DGAT1: variants seen among roughly 807,000 people sequenced by gnomAD.
DGAT1 encodes diacylglycerol O-acyltransferase 1.
DGAT1 carries 60 observed loss-of-function variants against 72.6 expected under a neutral mutation model. That is an observed-to-expected ratio of 0.83 (90% confidence interval 0.67 to 1.02). DGAT1 has a LOEUF of 1.02. DGAT1 is among the 50% of genes least tolerant of loss of function. The pLI, the probability that DGAT1 is intolerant of heterozygous loss-of-function variation, is 0.00. For missense variants in DGAT1, 592 were observed against 670.0 expected (o/e 0.88, Z 1.29); for synonymous variants, 290 against 267.5 (o/e 1.08, Z -0.82).
chr8:144,318,050 A>G (rs1554847489), intron 8 of DGAT1, 33 bp from the exon 9 acceptor site: 2 of 1,518,008 alleles, frequency 1.3e-6, no homozygotes, highest in African/African-American at 1.4e-5. Flanking sequence ...GTACCAGAAC[A>G]GGCCCAGCCT....
chr8:144,318,343 C>T lies in DGAT1; in HGVS notation c.594G>A (p.Leu198=), dbSNP rs782387717. The T allele has an allele frequency of 4.7e-5, 75 of 1,611,462 alleles. No homozygotes were observed. The highest frequency in any genetic ancestry group is 5.8e-5 in the Non-Finnish European group (68 of 1,179,144). ...TGAGGAAGAGGATGGTGTGCGCCATCAGCGCCAGCAGGGAGCCCACTGCAG... is the reference window on the plus strand; with the variant it reads ...TGAGGAAGAGGATGGTGTGCGCCATTAGCGCCAGCAGGGAGCCCACTGCAG... ...SITPVGSLLA[L]MAHTILFLKL... is the part of the protein sequence containing the mutation. The change falls in exon 7 of 17, where the codon CTG becomes CTA. Residue 198 remains leucine, a synonymous_variant. Transcript: ENST00000528718.
rs1817163566 is a variant in DGAT1 at position 144,315,328 on chromosome 8, C to G, written c.*1226G>C. The G allele has an allele frequency of 1.0e-6, 1 of 985,382 alleles. No homozygotes were observed. Among genetic ancestry groups the G allele is most frequent in the South Asian group, 4.7e-5 (1 of 21,296 alleles). The allele number at this position is 985,382 out of a possible 1,614,324, so 61.0% of individuals were successfully genotyped here. A position where few individuals can be genotyped will look rare whatever the true frequency, so the allele number is the denominator to read the frequency against. ...GAGATGCCTCCATCTCAGGGCCCAC[C>G]AGCCCCCACTGGGGTAGAGGGAGGA... On this transcript the variant is annotated 3_prime_UTR_variant, in exon 17 of 17. Coordinates refer to ENST00000528718, the MANE Select transcript of DGAT1 (RefSeq NM_012079.6).
intron 2 of DGAT1, 130 bp downstream of exon 2, chr8:144,321,191 C>T: frequency 1.2e-6 from 1 of 865,818 alleles, no homozygotes; most frequent in Non-Finnish European, 1.9e-6. Context: ...CAGCCTGCTC[C>T]ACACACCCCA....
intron 2 of DGAT1, among the ~76,000 whole-genome samples, chr8:144,319,828 T>C (rs1440862295): frequency 6.6e-6 from 1 of 152,192 alleles, no homozygotes; most frequent in Non-Finnish European, 1.5e-5. Flanking sequence ...TCCATTAAGC[T>C]GGGCCCCAAT....
Position 144,318,361 on chromosome 8 carries a change from C to T in DGAT1, c.576G>A (p.Val192=). ...GCGCCATCAGCGCCAGCAGGGAGCC[C>T]ACTGCAGGAGAGGTGGACTCAGGCC... is the stretch of plus-strand genomic sequence containing the variant. ...VVLLVESITP[V]GSLLALMAHT... is the part of the protein sequence containing the mutation. The change falls in exon 7 of 17, where the codon GTG becomes GTA. Residue 192 remains valine, a splice_region_variant and synonymous_variant. Transcript: ENST00000528718. The T allele has an allele frequency of 6.2e-7, 1 of 1,610,908 alleles. No homozygotes were observed. The highest frequency in any genetic ancestry group is 8.5e-7 in the Non-Finnish European group (1 of 1,178,728).
chr8:144,317,917 C>T lies in DGAT1; in HGVS notation c.852G>A (p.Glu284=). The T allele has an allele frequency of 6.6e-7, 1 of 1,524,096 alleles. No individual in the cohort carries two copies. The highest frequency in any genetic ancestry group is 8.8e-7 in the Non-Finnish European group (1 of 1,138,030). 94.4% of individuals were successfully genotyped at this position (1,524,096 alleles called of 1,614,324 possible). A position where few individuals can be genotyped will look rare whatever the true frequency, so the allele number is the denominator to read the frequency against. ...RKRFLLRRIL[E]MLFFTQLQVG... Reference sequence around the variant, plus strand: ...TGCCCCCAGCCCCCAACCTCACCATCTCAAGGATCCGTCGCAGCAGAAAGC... The same window carrying T: ...TGCCCCCAGCCCCCAACCTCACCATTTCAAGGATCCGTCGCAGCAGAAAGC... Residue 284 remains glutamate (E), a synonymous_variant, in exon 9 of 17, where the codon GAG becomes GAA. Transcript: ENST00000528718.
chr8:144,323,956 T>TG (rs1564633867), intron 1 of DGAT1, among the ~76,000 whole-genome samples: 1 of 152,094 alleles, frequency 6.6e-6, no homozygotes, highest in Non-Finnish European at 1.5e-5. Flanking sequence ...GCAGGCTCCC[T>TG]GCACCTCGCA....
chr8:144,314,921 C>T lies in DGAT1; in HGVS notation c.*1633G>A, dbSNP rs1011715477. 1.4e-5 allele frequency: 14 copies of T among 986,122 alleles called. No homozygotes were observed. In the African/African-American group the frequency reaches 2.4e-4, roughly 17 times the overall value. 61.1% of individuals were successfully genotyped at this position (986,122 alleles called of 1,614,324 possible). A position where few individuals can be genotyped will look rare whatever the true frequency, so the allele number is the denominator to read the frequency against. On this transcript the variant is annotated 3_prime_UTR_variant, in exon 17 of 17. Transcript: ENST00000528718. The stretch of plus-strand genomic sequence containing the variant: ...TTATTGAGGGACCAGGGGTGGGCGC[C>T]TCACCTTGGCCCTGGGGGTCTCTGG...
intron 1 of DGAT1, among the ~76,000 whole-genome samples, chr8:144,325,121 G>A (rs1292973012): frequency 1.3e-5 from 2 of 151,998 alleles, no homozygotes; most frequent in Non-Finnish European, 2.9e-5. Context: ...CACAGGTCAT[G>A]TAGCCATCCC....
rs1384706338 is a variant in DGAT1, at chr8:144,316,258, A to ACCAGGCC, written c.*289_*295dup. 1.8e-5 allele frequency: 7 copies of ACCAGGCC among 383,158 alleles called. No individual in the cohort carries two copies. In the East Asian group the frequency reaches 2.0e-4, roughly 11 times the overall value. The allele number at this position is 383,158 out of a possible 1,614,324, so 23.7% of individuals were successfully genotyped here. A position where few individuals can be genotyped will look rare whatever the true frequency, so the allele number is the denominator to read the frequency against. On this transcript the variant is annotated 3_prime_UTR_variant, in exon 17 of 17. Coordinates refer to ENST00000528718, the MANE Select transcript of DGAT1 (RefSeq NM_012079.6). The stretch of plus-strand genomic sequence containing the variant: ...CCTTGTGGGTGTGGCCATACCCCCC[A>ACCAGGCC]CCAGGCCCCAGGCCCCTGGCAGGCT...
rs986003455 is a variant in DGAT1, at chr8:144,314,820, C to T, written c.*1734G>A. On this transcript the variant is annotated 3_prime_UTR_variant, in exon 17 of 17. Coordinates refer to ENST00000528718, the MANE Select transcript of DGAT1 (RefSeq NM_012079.6). The stretch of plus-strand genomic sequence containing the variant: ...CAGAAGGGCCGGGCTGCAGTGGCCT[C>T]CTGGGGGAAGACGGATGCTTGCAGC... 19 of 851,374 alleles carry T rather than the reference C, an allele frequency of 2.2e-5. No homozygotes were observed. The African/African-American group carries it at 3.5e-4, about 16-fold the overall frequency. The allele number at this position is 851,374 out of a possible 1,614,324, so 52.7% of individuals were successfully genotyped here.
chr8:144,326,696 G>A lies in DGAT1; in HGVS notation c.-60C>T. On this transcript the variant is annotated 5_prime_UTR_variant, in exon 1 of 17. Coordinates refer to ENST00000528718, the MANE Select transcript of DGAT1 (RefSeq NM_012079.6). Reference sequence around the variant, plus strand: ...GGCCCGCCGGGTTCGTAGCGCCCGAGGCGCGCGGCCCCACCTCCGGGCCCT... The same window carrying A: ...GGCCCGCCGGGTTCGTAGCGCCCGAAGCGCGCGGCCCCACCTCCGGGCCCT... The A allele has an allele frequency of 8.8e-7, 1 of 1,131,348 alleles. No homozygotes were observed. Among genetic ancestry groups the A allele is most frequent in the Non-Finnish European group, 1.1e-6 (1 of 922,936 alleles). The allele number at this position is 1,131,348 out of a possible 1,614,324, so 70.1% of individuals were successfully genotyped here. A position where few individuals can be genotyped will look rare whatever the true frequency, so the allele number is the denominator to read the frequency against.
chr8:144,320,311 G>A (rs1159303594), intron 2 of DGAT1, among the ~76,000 whole-genome samples: 2 of 152,228 alleles, frequency 1.3e-5, no homozygotes, highest in African/African-American at 2.4e-5. Flanking sequence ...CCCAACCTGG[G>A]CCAGGAATGG....
In DGAT1 at chr8:144,316,572, G is replaced by T. The variant is rs1000558471; in HGVS notation, c.1449C>A (p.Ala483=). The change falls in exon 17 of 17, where the codon GCC becomes GCA. Residue 483 remains alanine (A), a synonymous_variant. Coordinates refer to ENST00000528718, the MANE Select transcript of DGAT1 (RefSeq NM_012079.6). ...GTGCAGCTCAGGCCTCTGCCGCTGG[G>T]GCCTCATAGTTGAGCACGTAGTAGT... ...VHDYYVLNYE[A]PAAEA 6 of 1,599,350 alleles carry T rather than the reference G, an allele frequency of 3.8e-6. No individual in the cohort carries two copies. Among genetic ancestry groups the T allele is most frequent in the Admixed American group, 1.7e-5 (1 of 58,108 alleles).
rs782160594 is a variant in DGAT1 at position 144,315,559 on chromosome 8, A to C, written c.*995T>G. ...CACCCCAGCAAGGTAAGGCAGCAGCAGGGCCCTGGGGTTACCCCTGACCTC... is the reference window on the plus strand; with the variant it reads ...CACCCCAGCAAGGTAAGGCAGCAGCCGGGCCCTGGGGTTACCCCTGACCTC... On this transcript the variant is annotated 3_prime_UTR_variant, in exon 17 of 17. Transcript: ENST00000528718. The C allele has an allele frequency of 1.0e-6, 1 of 985,592 alleles. No individual in the cohort carries two copies. The allele number at this position is 985,592 out of a possible 1,614,324, so 61.1% of individuals were successfully genotyped here.
intron 14 of DGAT1, 25 bp downstream of exon 14, chr8:144,317,162 T>G (rs1268269445): frequency 2.5e-6 from 4 of 1,599,568 alleles, no homozygotes; most frequent in Non-Finnish European, 3.4e-6. Flanking sequence ...ATGTTCCACA[T>G]CACACACACA....
intron 8 of DGAT1, 29 bp downstream of exon 8, chr8:144,318,066 C>A: frequency 6.6e-7 from 1 of 1,520,572 alleles, no homozygotes; most frequent in Non-Finnish European, 8.8e-7. Flanking sequence ...AGCCTGTCCC[C>A]CGCACCTCAG....
chr8:144,326,284 C>T (rs782678028), intron 1 of DGAT1, among the ~76,000 whole-genome samples, 153 bp downstream of exon 1: 4 of 152,184 alleles, frequency 2.6e-5, no homozygotes, highest in Admixed American at 6.5e-5. Flanking sequence ...GTGACTCTCC[C>T]CAAGCCTCAG....
Position 144,315,202 on chromosome 8 carries a change from A to G in DGAT1, c.*1352T>C, listed in dbSNP as rs782030374. 2.9e-5 allele frequency: 29 copies of G among 985,500 alleles called. No individual in the cohort carries two copies. The highest frequency in any genetic ancestry group is 3.5e-5 in the Non-Finnish European group (29 of 829,954). 61.0% of individuals were successfully genotyped at this position (985,500 alleles called of 1,614,324 possible). A position where few individuals can be genotyped will look rare whatever the true frequency, so the allele number is the denominator to read the frequency against. ...TCTCGAGCTCCACTGGCCAACTGAT[A>G]GGGAGAGGCACAGGAGCCCATGTGG... On this transcript the variant is annotated 3_prime_UTR_variant, in exon 17 of 17. Transcript: ENST00000528718.
Sources: allele counts gnomAD v4.1 joint callset (sites outside exome capture counted in the v4.1 genomes callset), GRCh38; gene constraint gnomAD v4.1.1; transcripts MANE v1.5; gene names NCBI Gene and HGNC (gene_info 2026-07-23, HGNC 2026-07-21).